Variants in ZMAT3 observed in about 807,000 individuals in gnomAD.
The protein encoded by ZMAT3 is zinc finger matrin-type protein 3.
Under a neutral mutation model 32.3 loss-of-function variants are expected in ZMAT3, and 17 were observed. That is an observed-to-expected ratio of 0.53 (90% CI 0.36 to 0.79). ZMAT3 has a LOEUF of 0.79. ZMAT3 is among the 30% of genes least tolerant of loss of function. The pLI is 0.00. For synonymous variants in ZMAT3, 120 were observed against 133.1 expected (o/e 0.90, Z 0.68); for missense variants, 329 against 359.7 (o/e 0.91, Z 0.69).
At position 179,027,460 on chromosome 3, in the gene ZMAT3, A is replaced by T; in HGVS notation, c.621T>A (p.Pro207=). 4 of 1,614,230 alleles carry T rather than the reference A, an allele frequency of 2.5e-6. No homozygotes were observed. The highest frequency in any genetic ancestry group is 3.4e-6 in the Non-Finnish European group (4 of 1,180,040). Reference sequence around the variant, plus strand: ...GTACTGTATACATATTTCTCCTGTTAGGCATCATCTTAAACTCATTCCCTT... The same window carrying T: ...GTACTGTATACATATTTCTCCTGTTTGGCATCATCTTAAACTCATTCCCTT... The part of the protein sequence containing the change: ...RKEGNEFKMM[P]NRRNMYTVQN... Residue 207 remains proline, a synonymous_variant, in exon 5 of 6, where the codon CCT becomes CCA. Coordinates refer to ENST00000311417, the MANE Select transcript of ZMAT3 (RefSeq NM_022470.4).
chr3:179,045,922 G>A (rs546873811), intron 2 of ZMAT3, among the ~76,000 whole-genome samples: 10 of 152,346 alleles, frequency 6.6e-5, no homozygotes, highest in Non-Finnish European at 1.3e-4. Flanking sequence ...TGCAAAGACA[G>A]AGGTCACAAC....
chr3:179,047,629 G>A (rs1720312058), intron 2 of ZMAT3, among the ~76,000 whole-genome samples: 1 of 151,930 alleles, frequency 6.6e-6, no homozygotes, highest in African/African-American at 2.4e-5. Context: ...GAGGCAGGCA[G>A]ATCACCTGAG....
At chr3:179,060,316 C>T (rs920764038) in intron 2 of ZMAT3, among the ~76,000 whole-genome samples, 1 of 151,818 alleles carries the variant, frequency 6.6e-6, no homozygotes, top group Non-Finnish European at 1.5e-5. Flanking sequence ...CAAGCAGAAC[C>T]ATGACAATAG....
At chr3:179,055,319 T>C (rs941073273) in intron 2 of ZMAT3, among the ~76,000 whole-genome samples, 3 of 152,154 alleles carry the variant, frequency 2.0e-5, no homozygotes, top group Non-Finnish European at 2.9e-5. Flanking sequence ...TATAACATCA[T>C]CTTACAGCTA....
Position 179,019,262 on chromosome 3 carries a change from A to G in ZMAT3, c.*5755T>C, listed in dbSNP as rs1718422063. The G allele has an allele frequency of 6.6e-6, 1 of 152,090 alleles. No individual in the cohort carries two copies. The highest frequency in any genetic ancestry group is 6.6e-5 in the Admixed American group (1 of 15,262). 9.4% of individuals were successfully genotyped at this position (152,090 alleles called of 1,614,324 possible). A position where few individuals can be genotyped will look rare whatever the true frequency, so the allele number is the denominator to read the frequency against. On this transcript the variant is annotated 3_prime_UTR_variant, in exon 6 of 6. Transcript: ENST00000311417. The stretch of plus-strand genomic sequence containing the variant: ...CACACAAAAAGAGAAACTGGAAGAC[A>G]AAAGTCCACAGGAGGAAAAAAAAAA...
chr3:179,068,216 C>A (rs1234951941), intron 1 of ZMAT3, among the ~76,000 whole-genome samples: 1 of 152,178 alleles, frequency 6.6e-6, no homozygotes, highest in Non-Finnish European at 1.5e-5. Flanking sequence ...GACAAAAACA[C>A]CACGAGCTGT....
At chr3:179,056,282 T>C (rs1335835942) in intron 2 of ZMAT3, among the ~76,000 whole-genome samples, 2 of 151,182 alleles carry the variant, frequency 1.3e-5, no homozygotes, top group African/African-American at 4.9e-5. Flanking sequence ...TTTTTTATAA[T>C]AGAGATCAGG....
intron 2 of ZMAT3, among the ~76,000 whole-genome samples, chr3:179,037,883 C>A (rs1164239651): frequency 6.6e-6 from 1 of 152,108 alleles, no homozygotes; most frequent in Non-Finnish European, 1.5e-5. Context: ...TGAACAAAGG[C>A]AAAGTCTCTG....
At position 179,068,420 on chromosome 3, in the gene ZMAT3, G is replaced by C. The variant is rs182077107; in HGVS notation, c.-57-611C>G. 1.2e-4 allele frequency among the ~76,000 whole-genome samples: 19 copies of C among 152,218 alleles called. No homozygotes were observed. In the East Asian group the frequency reaches 3.7e-3, roughly 29 times the overall value. On this transcript the variant is annotated intron_variant, in intron 1 of 5. Coordinates refer to ENST00000311417, the MANE Select transcript of ZMAT3 (RefSeq NM_022470.4). ...CCAGCTACTCAGGAGGCTGAGGCAG[G>C]AGAATCGCTTGAACCGGGGAGGCAG...
intron 2 of ZMAT3, among the ~76,000 whole-genome samples, chr3:179,037,218 G>C (rs1033200496): frequency 6.6e-6 from 1 of 152,132 alleles, no homozygotes; most frequent in Non-Finnish European, 1.5e-5. Context: ...GCGGGTGGTG[G>C]GACCGACTGA....
intron 2 of ZMAT3, among the ~76,000 whole-genome samples, chr3:179,050,189 T>C (rs1720478031): frequency 6.6e-6 from 1 of 151,914 alleles, no homozygotes; most frequent in Non-Finnish European, 1.5e-5. Context: ...AACAAAAGGT[T>C]GGTTTTTTGA....
In ZMAT3 at chr3:179,046,977, G is replaced by A. The variant is rs182967273; in HGVS notation, c.271-15978C>T. Among the ~76,000 whole-genome samples the A allele has an allele frequency of 1.5e-3, 226 of 152,202 alleles. No individual in the cohort carries two copies. The highest frequency in any genetic ancestry group is 4.9e-3 in the African/African-American group (203 of 41,532). On this transcript the variant is annotated intron_variant, in intron 2 of 5. Coordinates refer to ENST00000311417, the MANE Select transcript of ZMAT3 (RefSeq NM_022470.4). The surrounding 1 kb of genome is among the most constrained non-coding windows in gnomAD (Gnocchi z 4.3). ...TGGGAGCTCTGGGGCCCCACCCACC[G>A]CATGATCATCTCTATACTACCATAG...
chr3:179,047,891 G>A (rs1163380107), intron 2 of ZMAT3, among the ~76,000 whole-genome samples: 2 of 151,088 alleles, frequency 1.3e-5, no homozygotes, highest in Non-Finnish European at 2.9e-5. Context: ...GAAAGGTGAA[G>A]TCCAACTTAA....
intron 2 of ZMAT3, among the ~76,000 whole-genome samples, chr3:179,056,556 A>G (rs1720856522): frequency 6.6e-6 from 1 of 152,186 alleles, no homozygotes; most frequent in Non-Finnish European, 1.5e-5. Context: ...GGATGAAGAT[A>G]CTCTGAGTCA....
intron 2 of ZMAT3, among the ~76,000 whole-genome samples, chr3:179,032,343 G>C (rs1037552364): frequency 6.6e-6 from 1 of 151,966 alleles, no homozygotes; most frequent in Admixed American, 6.6e-5. Flanking sequence ...GCGTGATCTC[G>C]GCTTGCTACA....
chr3:179,060,808 T>G lies in ZMAT3; in HGVS notation c.270+6675A>C, dbSNP rs905273060. Among the ~76,000 whole-genome samples the G allele has an allele frequency of 3.3e-5, 5 of 151,654 alleles. No individual in the cohort carries two copies. In the South Asian group the frequency reaches 1.0e-3, roughly 32 times the overall value. ...GACTACAAGGATAAAAGGGAGAGCC[T>G]AAAAGCTTCCAGGGGAAAAAAAAGA... On this transcript the variant is annotated intron_variant, in intron 2 of 5. Transcript: ENST00000311417.
chr3:179,052,337 A>G (rs554242349), intron 2 of ZMAT3, among the ~76,000 whole-genome samples: 1 of 152,350 alleles, frequency 6.6e-6, no homozygotes, highest in East Asian at 1.9e-4. Context: ...GCCTAAGGCC[A>G]TGAATAGACA....
At chr3:179,044,613 C>T (rs1026729822) in intron 2 of ZMAT3, among the ~76,000 whole-genome samples, 1 of 152,052 alleles carries the variant, frequency 6.6e-6, no homozygotes, top group African/African-American at 2.4e-5. Flanking sequence ...CACCACACTC[C>T]CGCCTGGACG....
intron 2 of ZMAT3, among the ~76,000 whole-genome samples, chr3:179,031,411 G>GA (rs575069314): frequency 6.7e-6 from 1 of 150,274 alleles, no homozygotes; most frequent in Non-Finnish European, 1.5e-5. Context: ...AAAAAAAAAA[G>GA]AAAAAAACAC....
Sources: allele counts gnomAD v4.1 joint callset (sites outside exome capture counted in the v4.1 genomes callset), GRCh38; gene constraint gnomAD v4.1.1; non-coding constraint Gnocchi (gnomAD v3.1); transcripts MANE v1.5; gene names NCBI Gene and HGNC (gene_info 2026-07-23, HGNC 2026-07-21).